SH2D4B: variants seen among roughly 807,000 people sequenced by gnomAD.
The protein encoded by SH2D4B is SH2 domain containing 4B.
A neutral mutation model predicts 61.5 loss-of-function variants in SH2D4B; 45 were observed. That is an observed-to-expected ratio of 0.73 (90% CI 0.58 to 0.94). The LOEUF (loss-of-function observed/expected upper bound fraction) is 0.94, where lower values mean the gene tolerates loss of function less well. SH2D4B is among the 40% of genes least tolerant of loss of function. The pLI is 0.00. For synonymous variants in SH2D4B, 224 were observed against 220.4 expected (o/e 1.02, Z -0.14); for missense variants, 572 against 574.2 (o/e 1.00, Z 0.04).
chr10:80,578,087 C>T (rs528430062), intron 3 of SH2D4B, among the ~76,000 whole-genome samples: 1 of 152,196 alleles, frequency 6.6e-6, no homozygotes, highest in Admixed American at 6.5e-5. Context: ...CGTCCCACTT[C>T]AGCCCCCCAA....
intron 6 of SH2D4B, among the ~76,000 whole-genome samples, chr10:80,620,273 T>C: frequency 6.6e-6 from 1 of 152,072 alleles, no homozygotes; most frequent in East Asian, 1.9e-4. Flanking sequence ...TCTCATGAGA[T>C]CTGGTTGTTT....
At chr10:80,627,233 G>A (rs1011633585) in intron 6 of SH2D4B, among the ~76,000 whole-genome samples, 12 of 152,170 alleles carry the variant, frequency 7.9e-5, no homozygotes, top group Admixed American at 6.5e-5. Flanking sequence ...TGAAATCCTT[G>A]GCTCTGAACC....
rs529110266 is a variant in SH2D4B, at chr10:80,622,543, G to A, written c.989-11742G>A. ...TCCAGGCTCTGTCCCTTCCCCATGG[G>A]TCTATACTTTCTCTTTCTTTCCTCT... is the stretch of plus-strand genomic sequence containing the variant. On this transcript the variant is annotated intron_variant, in intron 6 of 7. Coordinates refer to ENST00000646907, the MANE Select transcript of SH2D4B (RefSeq NM_001388272.1). Among the ~76,000 whole-genome samples the A allele has an allele frequency of 1.8e-3, 267 of 152,256 alleles. 2 individuals are homozygous for A. Among genetic ancestry groups the A allele is most frequent in the African/African-American group, 6.1e-3 (254 of 41,552 alleles).
chr10:80,604,265 ATGGT>A (rs1842489850), intron 5 of SH2D4B, among the ~76,000 whole-genome samples: 1 of 152,178 alleles, frequency 6.6e-6, no homozygotes, highest in Admixed American at 6.5e-5. Context: ...GCAGTTTAGC[ATGGT>A]TGGTTGCAGG....
chr10:80,547,540 C>T (rs1045901511), intron 1 of SH2D4B, among the ~76,000 whole-genome samples: 1 of 152,072 alleles, frequency 6.6e-6, no homozygotes, highest in African/African-American at 2.4e-5. Context: ...ACACTGGGGA[C>T]AGTGATTCCA....
At chr10:80,558,853 A>T (rs1046604508) in intron 1 of SH2D4B, among the ~76,000 whole-genome samples, 4 of 152,192 alleles carry the variant, frequency 2.6e-5, no homozygotes, top group Non-Finnish European at 5.9e-5. Context: ...TAGTATGTTC[A>T]TAGATATGTG....
intron 1 of SH2D4B, among the ~76,000 whole-genome samples, chr10:80,544,246 A>G (rs1277295253): frequency 6.6e-6 from 1 of 152,186 alleles, no homozygotes; most frequent in East Asian, 1.9e-4. Flanking sequence ...GCGCCGCCTT[A>G]AGAGCTGTAA....
At chr10:80,551,922 C>T (rs77810325) in intron 1 of SH2D4B, among the ~76,000 whole-genome samples, 4,584 of 152,284 alleles carry the variant, frequency 0.03, 102 homozygotes, top group Middle Eastern at 0.041. Context: ...AGGGAGCCAG[C>T]ATGGTCAGGG....
chr10:80,613,885 C>T (rs1397574570), intron 6 of SH2D4B, among the ~76,000 whole-genome samples: 2 of 152,212 alleles, frequency 1.3e-5, no homozygotes, highest in African/African-American at 4.8e-5. Flanking sequence ...ATGGGCCCCA[C>T]ATCTTCAGAC....
Position 80,538,261 on chromosome 10 carries a change from C to T in SH2D4B, c.-71C>T. On this transcript the variant is annotated 5_prime_UTR_variant, in exon 1 of 8. Transcript: ENST00000646907. The surrounding 1 kb of genome is among the most constrained non-coding windows in gnomAD (Gnocchi z 4.8). The stretch of plus-strand genomic sequence containing the variant: ...GAGCAGTCCGTAGTGCAGAGCAGCC[C>T]CTCGGGCGTTCTGCCTGGCCCTGCT... 1 of 1,237,470 alleles carries T rather than the reference C, an allele frequency of 8.1e-7. No homozygotes were observed. The highest frequency in any genetic ancestry group is 1.0e-6 in the Non-Finnish European group (1 of 964,658). The allele number at this position is 1,237,470 out of a possible 1,614,324, so 76.7% of individuals were successfully genotyped here.
intron 2 of SH2D4B, among the ~76,000 whole-genome samples, chr10:80,570,560 A>G (rs909418971): frequency 1.2e-4 from 18 of 152,198 alleles, no homozygotes; most frequent in Non-Finnish European, 2.5e-4. Flanking sequence ...AAAATCAGGT[A>G]AACAACACTG....
chr10:80,605,952 T>C (rs1842514297), intron 5 of SH2D4B, among the ~76,000 whole-genome samples: 1 of 152,246 alleles, frequency 6.6e-6, no homozygotes, highest in African/African-American at 2.4e-5. Context: ...AACCTGGCTC[T>C]GGGCTGGCTT....
intron 5 of SH2D4B, 108 bp downstream of exon 5, chr10:80,603,903 G>A: frequency 1.0e-6 from 1 of 992,748 alleles, no homozygotes; most frequent in South Asian, 1.6e-5. Flanking sequence ...GTGTAGTTTG[G>A]GGCTAGCATT....
At chr10:80,614,802 G>A (rs569969364) in intron 6 of SH2D4B, among the ~76,000 whole-genome samples, 60 of 152,362 alleles carry the variant, frequency 3.9e-4, no homozygotes, top group African/African-American at 1.4e-3. Context: ...CGGGGCCTGG[G>A]GCTGGCCACA....
At chr10:80,569,912 G>A (rs531903210) in intron 1 of SH2D4B, among the ~76,000 whole-genome samples, 2 of 152,278 alleles carry the variant, frequency 1.3e-5, no homozygotes, top group South Asian at 2.1e-4. Flanking sequence ...GAGATGGAAG[G>A]AGAGCTCAGT....
At chr10:80,547,500 T>C (rs1049839762) in intron 1 of SH2D4B, among the ~76,000 whole-genome samples, 1 of 151,918 alleles carries the variant, frequency 6.6e-6, no homozygotes, top group African/African-American at 2.4e-5. Flanking sequence ...CATAGCTCTT[T>C]GTAGCTGTTG....
chr10:80,542,172 C>T (rs1015624812), intron 1 of SH2D4B, among the ~76,000 whole-genome samples: 3 of 152,106 alleles, frequency 2.0e-5, no homozygotes, highest in Admixed American at 6.5e-5. Flanking sequence ...AGCATGGCCA[C>T]GACCTGTGCA....
Position 80,587,158 on chromosome 10 carries a change from T to G in SH2D4B, c.496-1472T>G, listed in dbSNP as rs867831305. Among the ~76,000 whole-genome samples the G allele has an allele frequency of 4.4e-3, 536 of 122,564 alleles. 4 individuals are homozygous for G. Among genetic ancestry groups the G allele is most frequent in the Middle Eastern group, 0.021 (5 of 242 alleles). The allele number at this position is 122,564 out of a possible 152,430, so 80.4% of individuals were successfully genotyped here. ...TTTTTTTTTTTTTGTTTTGTTTTTT[T>G]TTTTTTTTTTGGAGACGCCCAGGCT... is the stretch of plus-strand genomic sequence containing the variant. On this transcript the variant is annotated intron_variant, in intron 3 of 7. Transcript: ENST00000646907.
chr10:80,621,988 T>G (rs1842720796), intron 6 of SH2D4B, among the ~76,000 whole-genome samples: 1 of 152,208 alleles, frequency 6.6e-6, no homozygotes, highest in Non-Finnish European at 1.5e-5. Flanking sequence ...CCCAAAGTGC[T>G]GGGATTACAG....
Sources: gnomAD v4.1 joint callset for allele counts (sites outside exome capture counted in the v4.1 genomes callset) on GRCh38, gnomAD v4.1.1 for gene constraint, Gnocchi (gnomAD v3.1) non-coding constraint, MANE v1.5 for transcripts, NCBI Gene and HGNC (gene_info 2026-07-23, HGNC 2026-07-21) for gene names.